The following KRT17 variants were observed in gnomAD, a reference collection of about 807,000 sequenced individuals.
The protein encoded by KRT17 is keratin, type I cytoskeletal 17.
KRT17 carries 29 observed loss-of-function variants against 45.6 expected under a neutral mutation model. The ratio of observed to expected loss-of-function variants is 0.64; its 90% CI spans 0.47 to 0.87. KRT17 has a LOEUF of 0.87. Ranked by LOEUF, KRT17 falls within the 40% of genes least tolerant of loss-of-function variation. KRT17 has a pLI of 0.00. For synonymous variants in KRT17, 219 were observed against 234.6 expected (o/e 0.93, Z 0.61); for missense variants, 536 against 577.8 (o/e 0.93, Z 0.74).
chr17:41,622,256 A>G, intron 3 of KRT17, 99 bp downstream of exon 3: 1 of 1,493,072 alleles, frequency 6.7e-7, no homozygotes, highest in Non-Finnish European at 9.3e-7. Context: ...ATCCCGGTGC[A>G]CCTGCTCTGC....
chr17:41,621,952 A>T, intron 3 of KRT17, 198 bp from the exon 4 acceptor site: 2 of 646,992 alleles, frequency 3.1e-6, no homozygotes, highest in Non-Finnish European at 5.5e-6. Flanking sequence ...CCCCCATTAG[A>T]CCAAGGACTC....
chr17:41,624,544 G>A lies in KRT17; in HGVS notation c.-35C>T, dbSNP rs748906280. On this transcript the variant is annotated 5_prime_UTR_variant, in exon 1 of 8. Coordinates refer to ENST00000311208, the MANE Select transcript of KRT17 (RefSeq NM_000422.3). Reference sequence around the variant, plus strand: ...GGCAGGAGGCAGGCACACAGGAGAAGGGCTGGAGAGGAGAGGGGCCCCAAG... The same window carrying A: ...GGCAGGAGGCAGGCACACAGGAGAAAGGCTGGAGAGGAGAGGGGCCCCAAG... The A allele has an allele frequency of 5.0e-6, 8 of 1,595,136 alleles. No homozygotes were observed. Among genetic ancestry groups the A allele is most frequent in the Non-Finnish European group, 6.8e-6 (8 of 1,168,226 alleles).
rs1018411640 is a variant in KRT17 at position 41,621,837 on chromosome 17, C to T, written c.673-83G>A. The T allele has an allele frequency of 8.6e-6, 13 of 1,509,380 alleles. No individual in the cohort carries two copies. In the Admixed American group the frequency reaches 1.4e-4, roughly 16 times the overall value. 93.5% of individuals were successfully genotyped at this position (1,509,380 alleles called of 1,614,324 possible). On this transcript the variant is annotated intron_variant, in intron 3 of 7. Transcript: ENST00000311208. ...CAAGCCTTCCCCCACAAGGGGACCC[C>T]ACTTCCCACAAGGACCCCTCCTTTG...
At chr17:41,623,066 T>C (rs1041648021) in intron 1 of KRT17, 34 bp from the exon 2 acceptor site, 3 of 1,527,428 alleles carry the variant, frequency 2.0e-6, no homozygotes, top group Admixed American at 3.3e-5. Context: ...GGTCATTGGA[T>C]GGGGGTGGCT....
intron 2 of KRT17, 173 bp downstream of exon 2, chr17:41,622,777 A>T: frequency 1.4e-6 from 1 of 720,874 alleles, no homozygotes; most frequent in Non-Finnish European, 2.5e-6. Context: ...AGCAACCTTC[A>T]GAACTGGCTG....
intron 5 of KRT17, 21 bp from the exon 6 acceptor site, chr17:41,620,900 C>G: frequency 6.2e-7 from 1 of 1,614,038 alleles, no homozygotes; most frequent in Non-Finnish European, 8.5e-7. Flanking sequence ...GCAGGAAGAC[C>G]AGGGGTCAGT....
At chr17:41,621,921 C>T in intron 3 of KRT17, 167 bp from the exon 4 acceptor site, 1 of 730,462 alleles carries the variant, frequency 1.4e-6, no homozygotes, top group South Asian at 1.7e-5. Flanking sequence ...TCAGTATTGC[C>T]TCCACCATCA....
intron 7 of KRT17, chr17:41,620,037 T>A (rs1194865099): frequency 3.0e-6 from 3 of 985,326 alleles, no homozygotes; most frequent in East Asian, 2.3e-4. Flanking sequence ...ATCTCCCCCA[T>A]CAGACTGGGA....
chr17:41,621,848 A>T, intron 3 of KRT17, 94 bp from the exon 4 acceptor site: 2 of 1,397,402 alleles, frequency 1.4e-6, no homozygotes. Flanking sequence ...ACTTCCCACA[A>T]GGACCCCTCC....
In KRT17 at chr17:41,621,681, A is replaced by G; in HGVS notation, c.746T>C (p.Leu249Pro). 6.2e-7 allele frequency: 1 copy of G among 1,612,282 alleles called. No homozygotes were observed. Among genetic ancestry groups the G allele is most frequent in the Non-Finnish European group, 8.5e-7 (1 of 1,179,864 alleles). Reference sequence around the variant, plus strand: ...ACGCATCTCGTTGAGGATGCGGCTCAGGTCCACGCCTGGGGCAGCGTCCAT... The same window carrying G: ...ACGCATCTCGTTGAGGATGCGGCTCGGGTCCACGCCTGGGGCAGCGTCCAT... ...VEMDAAPGVDLSRILNEMRDQ... is the reference protein window; with the variant it reads ...VEMDAAPGVDPSRILNEMRDQ... Residue 249 changes from leucine (L) to proline (P), a missense_variant, in exon 4 of 8, where the codon CTG (leucine) becomes CCG (proline). Physicochemically the swap from Leu to Pro is moderately conservative, Grantham distance 98 (BLOSUM62 -3). Transcript: ENST00000311208.
In KRT17 at chr17:41,624,463, C is replaced by T. The variant is rs781364097; in HGVS notation, c.47G>A (p.Gly16Asp). ...RQFTSSSSIKGSSGLGGGSSR... is the reference protein window; with the variant it reads ...RQFTSSSSIKDSSGLGGGSSR... ...CGAGCCGCCCCCCAGGCCGGAGGAG[C>T]CCTTGATGGAGCTGGAGGAGGTGAA... is the stretch of plus-strand genomic sequence containing the variant. Residue 16 changes from glycine to aspartate, a missense_variant, in exon 1 of 8, where the codon GGC (glycine) becomes GAC (aspartate). Coordinates refer to ENST00000311208, the MANE Select transcript of KRT17 (RefSeq NM_000422.3). The T allele has an allele frequency of 1.2e-6, 2 of 1,610,464 alleles. No homozygotes were observed. Among genetic ancestry groups the T allele is most frequent in the South Asian group, 2.2e-5 (2 of 90,940 alleles).
rs576885769 is a variant in KRT17 at position 41,619,583 on chromosome 17, T to C, written c.*11A>G. The C allele has an allele frequency of 1.2e-6, 2 of 1,611,868 alleles. No homozygotes were observed. The highest frequency in any genetic ancestry group is 2.2e-5 in the East Asian group (1 of 44,868). On this transcript the variant is annotated 3_prime_UTR_variant, in exon 8 of 8. Transcript: ENST00000311208. ...CTGCCTCCTGGGTGGCCGGCCGGGG[T>C]AGCTGAGTCCTCAGCGGGTGGTCTG...
In KRT17 at chr17:41,620,095, C is replaced by A. The variant is rs1453370612; in HGVS notation, c.1205-407G>T. Reference sequence around the variant, plus strand: ...CCTATCTCCTCCATTAGACTAGGAACCCTAAGGCTAGGATCATATATTCTC... The same window carrying A: ...CCTATCTCCTCCATTAGACTAGGAAACCTAAGGCTAGGATCATATATTCTC... On this transcript the variant is annotated intron_variant, in intron 7 of 7. Transcript: ENST00000311208. 5.1e-5 allele frequency: 50 copies of A among 985,210 alleles called. 1 individual carries two copies. Among genetic ancestry groups the A allele is most frequent in the Non-Finnish European group, 7.2e-6 (6 of 829,898 alleles). The allele number at this position is 985,210 out of a possible 1,614,324, so 61.0% of individuals were successfully genotyped here.
At position 41,620,660 on chromosome 17, in the gene KRT17, G is replaced by A. The variant is rs1277740028; in HGVS notation, c.1180C>T (p.His394Tyr). The change falls in exon 6 of 8, where the codon CAC becomes TAC. Residue 394 changes from histidine (H) to tyrosine (Y), a missense_variant and splice_region_variant. Transcript: ENST00000311208. ...YRRLLEGEDAHLTQYKKEPVT... is the reference protein window; with the variant it reads ...YRRLLEGEDAYLTQYKKEPVT... ...CTGACCCCAGGCGCCCCCACTCACTGGGCATCCTCTCCCTCCAGCAGGCGG... is the reference window on the plus strand; with the variant it reads ...CTGACCCCAGGCGCCCCCACTCACTAGGCATCCTCTCCCTCCAGCAGGCGG... 1.2e-6 allele frequency: 2 copies of A among 1,611,964 alleles called. No homozygotes were observed. The highest frequency in any genetic ancestry group is 1.7e-6 in the Non-Finnish European group (2 of 1,179,860).
chr17:41,622,234 C>T (rs1023985407), intron 3 of KRT17, 121 bp downstream of exon 3: 11 of 1,319,582 alleles, frequency 8.3e-6, no homozygotes, highest in Non-Finnish European at 1.2e-5. Context: ...GGGAAGCCCT[C>T]TAAGGTGACT....
chr17:41,621,857 C>A, intron 3 of KRT17, 103 bp from the exon 4 acceptor site: 1 of 1,242,876 alleles, frequency 8.0e-7, no homozygotes, highest in Non-Finnish European at 1.2e-6. Flanking sequence ...AAGGACCCCT[C>A]CTTTGTTCTC....
chr17:41,623,864 AG>A (rs1487045224), intron 1 of KRT17, among the ~76,000 whole-genome samples: 2 of 152,208 alleles, frequency 1.3e-5, no homozygotes, highest in Non-Finnish European at 2.9e-5. Flanking sequence ...GGGCTCCACA[AG>A]GCCTCTTTGT....
chr17:41,623,530 G>T (rs924318169), intron 1 of KRT17, among the ~76,000 whole-genome samples: 21 of 152,114 alleles, frequency 1.4e-4, no homozygotes, highest in African/African-American at 5.1e-4. Context: ...GCCCCCTGGG[G>T]TTTGCTGAGC....
chr17:41,622,850 G>A, intron 2 of KRT17, 100 bp downstream of exon 2: 3 of 1,057,312 alleles, frequency 2.8e-6, no homozygotes, highest in Non-Finnish European at 4.4e-6. Flanking sequence ...GAGCTCCTGG[G>A]CCTTGCCACA....
Sources: allele counts gnomAD v4.1 joint callset (sites outside exome capture counted in the v4.1 genomes callset), GRCh38; gene constraint gnomAD v4.1.1; transcripts MANE v1.5; gene names NCBI Gene and HGNC (gene_info 2026-07-23, HGNC 2026-07-21).